Variants in SLC4A4 observed in about 807,000 individuals in gnomAD.
SLC4A4 encodes electrogenic sodium bicarbonate cotransporter 1.
A neutral mutation model predicts 111.5 loss-of-function variants in SLC4A4; 27 were observed. The ratio of observed to expected loss-of-function variants is 0.24; its 90% CI spans 0.18 to 0.33. SLC4A4 has a LOEUF of 0.33. Ranked by LOEUF, SLC4A4 falls within the 10% of genes least tolerant of loss-of-function variation. The pLI is 1.00. For missense variants in SLC4A4, 909 were observed against 1,315.5 expected (o/e 0.69, Z 4.78); for synonymous variants, 443 against 463.4 (o/e 0.96, Z 0.57).
intron 20 of SLC4A4, among the ~76,000 whole-genome samples, chr4:71,551,327 A>C (rs1451965175): frequency 6.6e-6 from 1 of 151,900 alleles, no homozygotes. Context: ...TATTTGGAAA[A>C]TATTTGTTGA....
intron 2 of SLC4A4, among the ~76,000 whole-genome samples, chr4:71,169,915 G>A (rs1744887927): frequency 6.6e-6 from 1 of 152,162 alleles, no homozygotes; most frequent in Non-Finnish European, 1.5e-5. Flanking sequence ...TGCAAGATTT[G>A]TCTCTTGCCT....
intron 16 of SLC4A4, among the ~76,000 whole-genome samples, chr4:71,513,706 G>C (rs181370077): frequency 2.8e-4 from 42 of 152,282 alleles, no homozygotes; most frequent in African/African-American, 9.9e-4. Context: ...TCTTCTTCCA[G>C]TTCTTAGAGG....
At chr4:71,234,206 A>G (rs376478655) in intron 1 of SLC4A4, among the ~76,000 whole-genome samples, 2 of 152,170 alleles carry the variant, frequency 1.3e-5, no homozygotes, top group East Asian at 1.9e-4. Context: ...ATTTTCCACA[A>G]AGTGCTTAAT....
chr4:71,120,987 G>A (rs980375332), intron 2 of SLC4A4, among the ~76,000 whole-genome samples: 9 of 152,208 alleles, frequency 5.9e-5, no homozygotes, highest in African/African-American at 1.7e-4. Flanking sequence ...CACGAGTTCC[G>A]GGTGGGCACG....
intron 1 of SLC4A4, among the ~76,000 whole-genome samples, chr4:71,081,210 C>A (rs1741985667): frequency 6.6e-6 from 1 of 152,138 alleles, no homozygotes; most frequent in Admixed American, 6.5e-5. Context: ...AATGGCTCTG[C>A]ATCTTAGCTA....
intron 15 of SLC4A4, among the ~76,000 whole-genome samples, chr4:71,494,137 T>C (rs10009080): frequency 0.72 from 109,510 of 151,916 alleles, 40,568 homozygotes; most frequent in Non-Finnish European, 0.82. Context: ...CTCCTAGATC[T>C]AGGTCTCAGA....
intron 2 of SLC4A4, among the ~76,000 whole-genome samples, chr4:71,253,704 A>T (rs1417624709): frequency 6.6e-6 from 1 of 152,112 alleles, no homozygotes; most frequent in Non-Finnish European, 1.5e-5. Flanking sequence ...TAGCTTTCCC[A>T]TGAGAACCAT....
intron 20 of SLC4A4, among the ~76,000 whole-genome samples, chr4:71,549,663 G>A (rs1293015945): frequency 6.6e-6 from 1 of 151,800 alleles, no homozygotes. Flanking sequence ...ATATGTTACA[G>A]CAAATTGGCT....
chr4:71,459,102 C>A (rs1482237734), intron 12 of SLC4A4, among the ~76,000 whole-genome samples: 1 of 151,910 alleles, frequency 6.6e-6, no homozygotes, highest in Non-Finnish European at 1.5e-5. Flanking sequence ...GCTTCATGGG[C>A]AAGTTGTGAA....
At chr4:71,424,045 TG>T (rs1722830445) in intron 7 of SLC4A4, among the ~76,000 whole-genome samples, 1 of 151,854 alleles carries the variant, frequency 6.6e-6, no homozygotes, top group African/African-American at 2.4e-5. Flanking sequence ...ACCATCAGAG[TG>T]AACAGGCAAC....
chr4:71,306,576 C>T (rs962903233), intron 3 of SLC4A4, among the ~76,000 whole-genome samples: 31 of 150,210 alleles, frequency 2.1e-4, no homozygotes, highest in African/African-American at 6.4e-4. Flanking sequence ...AGTGAGACTC[C>T]GTCTCAAAAA....
At chr4:71,385,308 C>T (rs917357532) in intron 6 of SLC4A4, among the ~76,000 whole-genome samples, 72 of 145,160 alleles carry the variant, frequency 5.0e-4, no homozygotes, top group Non-Finnish European at 8.4e-4. Context: ...AAGTGATTCT[C>T]CTGCCTCAGC....
intron 16 of SLC4A4, among the ~76,000 whole-genome samples, chr4:71,522,203 T>A (rs933039596): frequency 6.6e-6 from 1 of 152,226 alleles, no homozygotes; most frequent in Admixed American, 6.5e-5. Flanking sequence ...AACTGGTCTG[T>A]TCTATCAGCC....
intron 3 of SLC4A4, among the ~76,000 whole-genome samples, chr4:71,261,357 C>G (rs1721841780): frequency 6.6e-6 from 1 of 152,170 alleles, no homozygotes; most frequent in South Asian, 2.1e-4. Context: ...ATAGACTGTT[C>G]TGTCTTTTAC....
intron 4 of SLC4A4, among the ~76,000 whole-genome samples, chr4:71,349,416 A>T (rs1361014870): frequency 6.6e-6 from 1 of 152,184 alleles, no homozygotes; most frequent in Non-Finnish European, 1.5e-5. Context: ...TTTTACATTC[A>T]TCTTGCCACT....
chr4:71,301,084 A>G, intron 3 of SLC4A4: 1 of 389,028 alleles, frequency 2.6e-6, no homozygotes, highest in Non-Finnish European at 5.2e-6. Flanking sequence ...ACAGCTGAGG[A>G]GGGCTGGAAG....
intron 3 of SLC4A4, among the ~76,000 whole-genome samples, chr4:71,331,646 G>A (rs1289624642): frequency 6.6e-6 from 1 of 151,116 alleles, no homozygotes; most frequent in Non-Finnish European, 1.5e-5. Flanking sequence ...CGAGTTAATG[G>A]GTATAGCACA....
At chr4:71,091,789 T>G (rs1742398986) in intron 1 of SLC4A4, among the ~76,000 whole-genome samples, 1 of 152,186 alleles carries the variant, frequency 6.6e-6, no homozygotes, top group Non-Finnish European at 1.5e-5. Flanking sequence ...TTGTACTCAT[T>G]TTGCAAAACT....
intron 15 of SLC4A4, among the ~76,000 whole-genome samples, chr4:71,493,389 T>C (rs1290329140): frequency 2.0e-5 from 3 of 152,024 alleles, no homozygotes; most frequent in Non-Finnish European, 2.9e-5. Flanking sequence ...AGTAGATAAA[T>C]TGGTAGATAT....
Sources: gnomAD v4.1 joint callset for allele counts (sites outside exome capture counted in the v4.1 genomes callset) on GRCh38, gnomAD v4.1.1 for gene constraint, MANE v1.5 for transcripts, NCBI Gene and HGNC (gene_info 2026-07-23, HGNC 2026-07-21) for gene names.